Variants in PLS3 observed in about 807,000 individuals in gnomAD.
PLS3 encodes the protein plastin-3.
In PLS3, 11 loss-of-function variants were observed where a neutral mutation model predicts 46.5. That is an observed-to-expected ratio of 0.24 (90% confidence interval 0.15 to 0.39). The LOEUF (loss-of-function observed/expected upper bound fraction) is 0.39, where lower values mean the gene tolerates loss of function less well. PLS3 is among the 10% of genes least tolerant of loss of function. PLS3 has a pLI of 1.00. For missense variants in PLS3, 308 were observed against 461.8 expected, an observed-to-expected ratio of 0.67 and a Z score of 3.05; for synonymous variants, 167 against 162.2, an observed-to-expected ratio of 1.03 and a Z score of -0.22.
chrX:115,639,740 T>C (rs1569528992), intron 8 of PLS3: 2 of 349,293 alleles, frequency 5.7e-6, no homozygotes, highest in Non-Finnish European at 1.1e-5. Context: ...TTTTGTGGAG[T>C]TGTCCACACA....
intron 3 of PLS3, among the ~76,000 whole-genome samples, chrX:115,625,023 G>T (rs1460497781): frequency 1.8e-5 from 2 of 111,768 alleles, no homozygotes; most frequent in African/African-American, 3.2e-5. Context: ...GAAGTTTTCA[G>T]ATGCTACTAC....
chrX:115,623,036 GA>G (rs1390412877), intron 3 of PLS3, among the ~76,000 whole-genome samples: 4 of 111,155 alleles, frequency 3.6e-5, no homozygotes, highest in Non-Finnish European at 7.5e-5. Flanking sequence ...CCCACTCCCA[GA>G]ACTTAGTTTG....
chrX:115,609,632 G>C lies in PLS3; in HGVS notation c.-8-611G>C, dbSNP rs782235689. The stretch of plus-strand genomic sequence containing the variant: ...TAGTTTGCCAACCTTTGTTCTGTTA[G>C]TTAAATAGATCAATAAGGCCAAATT... On this transcript the variant is annotated intron_variant, in intron 1 of 15. Coordinates refer to ENST00000355899, the MANE Select transcript of PLS3 (RefSeq NM_005032.7). 2.7e-5 allele frequency among the ~76,000 whole-genome samples: 3 copies of C among 112,232 alleles called. No individual in the cohort carries two copies. The East Asian group carries it at 8.4e-4, about 31-fold the overall frequency.
In PLS3 at chrX:115,636,048, G is replaced by A. The variant is rs782071027; in HGVS notation, c.749-788G>A. On this transcript the variant is annotated intron_variant, in intron 7 of 15. Coordinates refer to ENST00000355899, the MANE Select transcript of PLS3 (RefSeq NM_005032.7). ...GAAAGAAAAGAAAAAGAAAATATAA[G>A]GATGAATTATATTTCTGTTAAAATA... Among the ~76,000 whole-genome samples, 4 of 110,644 alleles carry A rather than the reference G, an allele frequency of 3.6e-5. No individual in the cohort carries two copies. In the East Asian group the frequency reaches 1.1e-3, roughly 31 times the overall value.
chrX:115,583,036 T>C (rs1172935209), intron 1 of PLS3, among the ~76,000 whole-genome samples: 1 of 111,418 alleles, frequency 9.0e-6, no homozygotes, highest in Non-Finnish European at 1.9e-5. Context: ...GGAGACTCTG[T>C]CTTTAAAAAA....
intron 8 of PLS3, among the ~76,000 whole-genome samples, chrX:115,637,418 G>A (rs782147357): frequency 9.0e-6 from 1 of 111,233 alleles, no homozygotes; most frequent in Non-Finnish European, 1.9e-5. Flanking sequence ...GTTCCTCGAG[G>A]ATAGCAATGA....
intron 3 of PLS3, among the ~76,000 whole-genome samples, chrX:115,623,407 G>C (rs1449335632): frequency 9.0e-6 from 1 of 111,185 alleles, no homozygotes; most frequent in Non-Finnish European, 1.9e-5. Context: ...TATAGTCCTA[G>C]CTACTCAGGA....
chrX:115,601,458 T>A (rs1236024213), intron 1 of PLS3, among the ~76,000 whole-genome samples: 8 of 57,553 alleles, frequency 1.4e-4, no homozygotes, highest in Non-Finnish European at 2.0e-4. Context: ...CAGGCAGATC[T>A]GATAAAAAAA....
chrX:115,649,756 CA>C lies in PLS3; in HGVS notation c.*196del, dbSNP rs1460249023. 6.0e-6 allele frequency: 2 copies of C among 334,549 alleles called. No individual in the cohort carries two copies. Among genetic ancestry groups the C allele is most frequent in the Admixed American group, 9.5e-5 (2 of 20,971 alleles). 27.6% of individuals were successfully genotyped at this position (334,549 alleles called of 1,213,427 possible). A position where few individuals can be genotyped will look rare whatever the true frequency, so the allele number is the denominator to read the frequency against. ...AAAAACAACTCCTCTTTCCCATAGT[CA>C]GAGTTGAATTTGTCAGGCACGCCTG... On this transcript the variant is annotated 3_prime_UTR_variant, in exon 16 of 16. Transcript: ENST00000355899.
intron 1 of PLS3, chrX:115,562,358 T>C (rs1556629680): frequency 9.0e-6 from 1 of 111,722 alleles, no homozygotes; most frequent in Non-Finnish European, 1.9e-5. Context: ...GAGTGGGGGT[T>C]AATGGCATCT....
chrX:115,639,374 T>G (rs1245883764), intron 8 of PLS3, among the ~76,000 whole-genome samples: 1 of 112,050 alleles, frequency 8.9e-6, no homozygotes, highest in Non-Finnish European at 1.9e-5. Context: ...GCACCAAGTT[T>G]CAAACTCACC....
At chrX:115,605,958 C>G (rs2074486772) in intron 1 of PLS3, among the ~76,000 whole-genome samples, 1 of 108,565 alleles carries the variant, frequency 9.2e-6, no homozygotes, top group Non-Finnish European at 1.9e-5. Context: ...AGGGCAAGAA[C>G]TAGGTGTATA....
intron 1 of PLS3, among the ~76,000 whole-genome samples, chrX:115,579,398 G>A (rs1556631607): frequency 2.7e-5 from 3 of 111,849 alleles, no homozygotes; most frequent in Admixed American, 9.5e-5. Context: ...TTCAGTTTTC[G>A]TTTCTCTGGG....
At chrX:115,602,113 T>G (rs1174110590) in intron 1 of PLS3, among the ~76,000 whole-genome samples, 1 of 111,459 alleles carries the variant, frequency 9.0e-6, no homozygotes, top group Non-Finnish European at 1.9e-5. Flanking sequence ...AAGCCTCACC[T>G]CGGAAAAAAC....
chrX:115,570,226 C>T (rs1326863969), intron 1 of PLS3, among the ~76,000 whole-genome samples: 2 of 110,655 alleles, frequency 1.8e-5, no homozygotes, highest in Non-Finnish European at 3.8e-5. Context: ...TGAGCCACCG[C>T]GCCTGGGCCA....
Position 115,640,475 on chromosome X carries a change from G to T in PLS3, c.959G>T (p.Arg320Leu), listed in dbSNP as rs1490213036. Residue 320 changes from arginine (R) to leucine (L), a missense_variant, in exon 9 of 16, where the codon CGG becomes CTG. Transcript: ENST00000355899. The stretch of plus-strand genomic sequence containing the variant: ...AAAGGACAAAAGGAAGGTGAACCAC[G>T]GATAGATATTAACATGTCAGGTTTC... ...APKGQKEGEP[R>L]IDINMSGFNE... is the part of the protein sequence containing the mutation. The T allele has an allele frequency of 1.7e-6, 2 of 1,171,195 alleles. No homozygotes were observed. The highest frequency in any genetic ancestry group is 3.5e-5 in the African/African-American group (2 of 56,486).
intron 8 of PLS3, among the ~76,000 whole-genome samples, chrX:115,638,039 A>G (rs782553934): frequency 3.0e-4 from 33 of 110,028 alleles, no homozygotes; most frequent in Non-Finnish European, 4.7e-4. Flanking sequence ...TTACCTCCCA[A>G]GCTCAAGCAA....
At chrX:115,633,009 T>TACAG (rs1395203223) in intron 5 of PLS3, among the ~76,000 whole-genome samples, 1 of 110,538 alleles carries the variant, frequency 9.0e-6, no homozygotes, top group African/African-American at 3.3e-5. Flanking sequence ...TTGCTAGGGT[T>TACAG]ACAGGCGTGA....
Position 115,643,378 on chromosome X carries a change from G to A in PLS3, c.1053G>A (p.Gln351=). The part of the protein sequence containing the change: ...LQQADKLGCR[Q]FVTPADVVSG... ...AAGCAGATAAATTAGGTTGCAGACAGTTTGTTACCCCTGCTGATGTTGTCA... is the reference window on the plus strand; with the variant it reads ...AAGCAGATAAATTAGGTTGCAGACAATTTGTTACCCCTGCTGATGTTGTCA... The change falls in exon 10 of 16, where the codon CAG becomes CAA. Residue 351 remains glutamine, a synonymous_variant. Transcript: ENST00000355899. The A allele has an allele frequency of 1.7e-6, 2 of 1,192,729 alleles. No homozygotes were observed. Among genetic ancestry groups the A allele is most frequent in the Non-Finnish European group, 2.3e-6 (2 of 878,498 alleles).
Sources: gnomAD v4.1 joint callset for allele counts (sites outside exome capture counted in the v4.1 genomes callset) on GRCh38, gnomAD v4.1.1 for gene constraint, MANE v1.5 for transcripts, NCBI Gene and HGNC (gene_info 2026-07-23, HGNC 2026-07-21) for gene names.